SSH1: variants seen among roughly 807,000 people sequenced by gnomAD.
SSH1 encodes protein phosphatase Slingshot homolog 1.
Under a neutral mutation model 79.7 loss-of-function variants are expected in SSH1, and 43 were observed. The observed-to-expected ratio is 0.54, with a 90% CI of 0.42 to 0.70. SSH1 has a LOEUF of 0.70. Ranked by LOEUF, SSH1 falls within the 30% of genes least tolerant of loss-of-function variation. The pLI is 0.00. For synonymous variants in SSH1, 599 were observed against 538.3 expected, an observed-to-expected ratio of 1.11 and a Z score of -1.56; for missense variants, 1,206 against 1,358.8, an observed-to-expected ratio of 0.89 and a Z score of 1.77.
At chr12:108,795,340 C>G (rs770760528) in intron 13 of SSH1, among the ~76,000 whole-genome samples, 39 of 152,084 alleles carry the variant, frequency 2.6e-4, no homozygotes, top group Non-Finnish European at 4.0e-4. Context: ...ACCTCTGCCT[C>G]TTGGGTTCAA....
chr12:108,801,026 T>C (rs1337015744), intron 11 of SSH1, 100 bp from the exon 12 acceptor site: 1 of 1,224,916 alleles, frequency 8.2e-7, no homozygotes, highest in Non-Finnish European at 1.2e-6. Context: ...GAAACACACA[T>C]TAACCAAGGG....
intron 2 of SSH1, chr12:108,826,337 G>A: frequency 5.8e-6 from 2 of 345,130 alleles, no homozygotes; most frequent in South Asian, 4.4e-5. Flanking sequence ...AAGTCAGGAT[G>A]GCATTGATTG....
chr12:108,800,653 C>T lies in SSH1; in HGVS notation c.1148+127G>A, dbSNP rs374774802. 256 of 1,128,590 alleles carry T rather than the reference C, an allele frequency of 2.3e-4. 2 individuals carry two copies. The highest frequency in any genetic ancestry group is 1.4e-3 in the South Asian group (108 of 76,618). 69.9% of individuals were successfully genotyped at this position (1,128,590 alleles called of 1,614,324 possible). On this transcript the variant is annotated intron_variant, in intron 12 of 14. Transcript: ENST00000326495. ...GTCCACTCCCACCAGCCAACTCCTG[C>T]GTCTGGAGTCCCGTTAGGATCCCCC... is the stretch of plus-strand genomic sequence containing the variant.
rs547830796 is a variant in SSH1 at position 108,805,268 on chromosome 12, C to T, written c.826-84G>A. ...AAAAGAATTAAAGTTACAATGGAAACTGTGCCTATTTCCAAAAAAGGTGGG... is the reference window on the plus strand; with the variant it reads ...AAAAGAATTAAAGTTACAATGGAAATTGTGCCTATTTCCAAAAAAGGTGGG... On this transcript the variant is annotated intron_variant, in intron 9 of 14. Coordinates refer to ENST00000326495, the MANE Select transcript of SSH1 (RefSeq NM_018984.4). The T allele has an allele frequency of 2.7e-6, 4 of 1,506,970 alleles. No homozygotes were observed. In the Admixed American group the frequency reaches 5.4e-5, roughly 20 times the overall value. 93.3% of individuals were successfully genotyped at this position (1,506,970 alleles called of 1,614,324 possible). A position where few individuals can be genotyped will look rare whatever the true frequency, so the allele number is the denominator to read the frequency against.
intron 2 of SSH1, among the ~76,000 whole-genome samples, chr12:108,835,281 C>T (rs750301560): frequency 2.6e-5 from 4 of 152,122 alleles, no homozygotes; most frequent in Admixed American, 2.0e-4. Context: ...CATACGGGAA[C>T]TGAGGCTCAA....
chr12:108,796,801 G>C (rs577767509), intron 13 of SSH1, among the ~76,000 whole-genome samples: 1 of 152,016 alleles, frequency 6.6e-6, no homozygotes, highest in East Asian at 1.9e-4. Flanking sequence ...GGAGTGCAAT[G>C]GTGTGATCTC....
At chr12:108,805,846 A>C (rs2037243441) in intron 9 of SSH1, among the ~76,000 whole-genome samples, 2 of 152,246 alleles carry the variant, frequency 1.3e-5, no homozygotes. Flanking sequence ...TGAAAAGGTA[A>C]AAAGGTAGAG....
In SSH1 at chr12:108,807,746, C is replaced by G. The variant is rs755240655; in HGVS notation, c.618G>C (p.Trp206Cys). The G allele has an allele frequency of 2.5e-6, 4 of 1,613,134 alleles. No homozygotes were observed. Among genetic ancestry groups the G allele is most frequent in the Non-Finnish European group, 3.4e-6 (4 of 1,179,650 alleles). ...NYFPGGVALI[W>C]ATYYESCISS... ...TGATGCAGCTCTCATAGTAGGTAGCCCAGATGAGAGCTACACCCCCGGGGA... is the reference window on the plus strand; with the variant it reads ...TGATGCAGCTCTCATAGTAGGTAGCGCAGATGAGAGCTACACCCCCGGGGA... The change falls in exon 8 of 15, where the codon TGG becomes TGC. Residue 206 changes from tryptophan (W) to cysteine (C), a missense_variant. By Grantham distance (215) the Trp-to-Cys change is radical. Coordinates refer to ENST00000326495, the MANE Select transcript of SSH1 (RefSeq NM_018984.4). This position sits in a 1 kb window ranked among gnomAD's most constrained non-coding sequence, Gnocchi z 5.2.
Position 108,789,011 on chromosome 12 carries a change from G to T in SSH1, c.2127C>A (p.Thr709=). The T allele has an allele frequency of 1.2e-6, 2 of 1,609,108 alleles. No homozygotes were observed. Among genetic ancestry groups the T allele is most frequent in the Non-Finnish European group, 8.5e-7 (1 of 1,176,670 alleles). ...CTGGTGGTAGGAACGGGGGAGGTTCGGTTGGGCCAGAGGCTGGCTTCTCCG... is the reference window on the plus strand; with the variant it reads ...CTGGTGGTAGGAACGGGGGAGGTTCTGTTGGGCCAGAGGCTGGCTTCTCCG... The part of the protein sequence containing the change: ...RVPEKPASGP[T]EPPPFLPPAG... Residue 709 remains threonine (T), a synonymous_variant, in exon 15 of 15, where the codon ACC becomes ACA. Coordinates refer to ENST00000326495, the MANE Select transcript of SSH1 (RefSeq NM_018984.4).
chr12:108,831,264 G>C (rs1352320190), intron 2 of SSH1, among the ~76,000 whole-genome samples: 2 of 152,048 alleles, frequency 1.3e-5, no homozygotes, highest in Admixed American at 1.3e-4. Flanking sequence ...ATTACTGAGG[G>C]GACTGTCAAT....
At chr12:108,822,484 TC>T (rs2038160364) in intron 3 of SSH1, among the ~76,000 whole-genome samples, 1 of 151,090 alleles carries the variant, frequency 6.6e-6, no homozygotes, top group Non-Finnish European at 1.5e-5. Flanking sequence ...TCTCTCTCTG[TC>T]ACCCAGGCTG....
At position 108,811,749 on chromosome 12, in the gene SSH1, C is replaced by T. The variant is rs1261613135; in HGVS notation, c.402-421G>A. On this transcript the variant is annotated intron_variant, in intron 5 of 14. Coordinates refer to ENST00000326495, the MANE Select transcript of SSH1 (RefSeq NM_018984.4). ...CACTTTCAGACCTGTGCACCTGCGC[C>T]TTTAGTGTGGCTGCGGTTTTACAAT... The T allele has an allele frequency of 3.6e-5, 10 of 276,266 alleles. 1 individual carries two copies. The highest frequency in any genetic ancestry group is 3.2e-4 in the South Asian group (8 of 24,636). The allele number at this position is 276,266 out of a possible 1,614,324, so 17.1% of individuals were successfully genotyped here.
intron 2 of SSH1, among the ~76,000 whole-genome samples, chr12:108,841,810 C>G (rs1020895407): frequency 2.7e-5 from 4 of 147,398 alleles, no homozygotes; most frequent in Non-Finnish European, 4.5e-5. Flanking sequence ...TCCATCCCCC[C>G]CCACAAAAAA....
At chr12:108,843,087 C>T (rs552373853) in intron 2 of SSH1, among the ~76,000 whole-genome samples, 20 of 152,220 alleles carry the variant, frequency 1.3e-4, no homozygotes, top group African/African-American at 3.9e-4. Flanking sequence ...GCTTCCAGAG[C>T]AGGAATTTTT....
rs1231103137 is a variant in SSH1, at chr12:108,781,716, C to A, written c.*6272G>T. 6.6e-6 allele frequency: 1 copy of A among 152,200 alleles called. No individual in the cohort carries two copies. Among genetic ancestry groups the A allele is most frequent in the Non-Finnish European group, 1.5e-5 (1 of 68,064 alleles). 9.4% of individuals were successfully genotyped at this position (152,200 alleles called of 1,614,324 possible). A position where few individuals can be genotyped will look rare whatever the true frequency, so the allele number is the denominator to read the frequency against. On this transcript the variant is annotated 3_prime_UTR_variant, in exon 15 of 15. Transcript: ENST00000326495. ...GGACCCTGTGACTGGGCCCTGCCCACTGGAAAGCAAGTAGAAATGATGTAT... is the reference window on the plus strand; with the variant it reads ...GGACCCTGTGACTGGGCCCTGCCCAATGGAAAGCAAGTAGAAATGATGTAT...
Position 108,787,912 on chromosome 12 carries a change from C to T in SSH1, c.*76G>A, listed in dbSNP as rs2036330018. On this transcript the variant is annotated 3_prime_UTR_variant, in exon 15 of 15. Transcript: ENST00000326495. ...TAAGGGAAATCAAGATGTAAGGGGT[C>T]GATCCAAATCCACAGTGAAAGTGAG... 5 of 1,568,186 alleles carry T rather than the reference C, an allele frequency of 3.2e-6. No homozygotes were observed. Among genetic ancestry groups the T allele is most frequent in the African/African-American group, 1.4e-5 (1 of 73,872 alleles).
At chr12:108,798,888 G>A (rs574559369) in intron 13 of SSH1, 112 bp downstream of exon 13, 60 of 1,278,234 alleles carry the variant, frequency 4.7e-5, no homozygotes, top group Admixed American at 8.6e-5. Flanking sequence ...CTGTGGAAGC[G>A]GCTGCTGGGC....
intron 14 of SSH1, among the ~76,000 whole-genome samples, 199 bp from the exon 15 acceptor site, chr12:108,789,443 T>C (rs1333706621): frequency 2.6e-5 from 4 of 152,056 alleles, no homozygotes; most frequent in African/African-American, 9.7e-5. Flanking sequence ...CTGAGGTGGA[T>C]TTTATACCCC....
In SSH1 at chr12:108,816,149, AC is replaced by A. The variant is rs1432106439; in HGVS notation, c.401+888del. 2.7e-5 allele frequency among the ~76,000 whole-genome samples: 4 copies of A among 150,374 alleles called. No homozygotes were observed. The East Asian group carries it at 7.8e-4, about 29-fold the overall frequency. ...GTCCTGCCAGGTGCTCTCAACAGTCACCCCCTCCTGTGGTCTCACAAAACCC... is the reference window on the plus strand; with the variant it reads ...GTCCTGCCAGGTGCTCTCAACAGTCACCCCTCCTGTGGTCTCACAAAACCC... On this transcript the variant is annotated intron_variant, in intron 5 of 14. Coordinates refer to ENST00000326495, the MANE Select transcript of SSH1 (RefSeq NM_018984.4).
Sources: allele counts gnomAD v4.1 joint callset (sites outside exome capture counted in the v4.1 genomes callset), GRCh38; gene constraint gnomAD v4.1.1; non-coding constraint Gnocchi (gnomAD v3.1); transcripts MANE v1.5; gene names NCBI Gene and HGNC (gene_info 2026-07-23, HGNC 2026-07-21).